ADGRG1: variants seen among roughly 807,000 people sequenced by gnomAD.
ADGRG1 encodes the protein adhesion G protein-coupled receptor G1, also known as 7-transmembrane protein with no EGF-like N-terminal domains-1.
Under a neutral mutation model 73.5 loss-of-function variants are expected in ADGRG1, and 53 were observed. That is an observed-to-expected ratio of 0.72 (90% CI 0.58 to 0.91). The LOEUF is 0.91. Among genes scored for constraint, ADGRG1 ranks in the 40% least tolerant of loss-of-function variants. The pLI, the probability that ADGRG1 is intolerant of heterozygous loss-of-function variation, is 0.00. For missense variants in ADGRG1, 795 were observed against 871.8 expected (o/e 0.91, Z 1.11); for synonymous variants, 394 against 374.4 (o/e 1.05, Z -0.60).
intron 7 of ADGRG1, 95 bp from the exon 8 acceptor site, chr16:57,656,131 G>A: frequency 6.2e-7 from 1 of 1,613,564 alleles, no homozygotes; most frequent in Non-Finnish European, 8.5e-7. Context: ...GGCGGGTGGT[G>A]GCTTGACTGT....
upstream of ADGRG1, chr16:57,623,858 A>T: frequency 1.0e-6 from 1 of 981,878 alleles, no homozygotes; most frequent in Non-Finnish European, 1.2e-6. Flanking sequence ...GTGGCTGGGA[A>T]CATTGGCCGC....
intron 1 of ADGRG1, chr16:57,645,273 C>T: frequency 1.0e-6 from 1 of 985,414 alleles, no homozygotes; most frequent in Non-Finnish European, 1.2e-6. Flanking sequence ...AGCGAGGGCC[C>T]ATTTAAGGGG....
In ADGRG1 at chr16:57,648,822, G is replaced by A. The variant is rs1035114103; in HGVS notation, c.-35-1431G>A. The A allele has an allele frequency of 6.1e-6, 3 of 492,576 alleles. No homozygotes were observed. The African/African-American group carries it at 6.3e-5, about 10-fold the overall frequency. The allele number at this position is 492,576 out of a possible 1,614,324, so 30.5% of individuals were successfully genotyped here. ...GCCATAGGGAGGGCCAAGCCTTCTG[G>A]CAAGTCTACAAGTGCCAGGGCCACA... On this transcript the variant is annotated intron_variant, in intron 1 of 13. Transcript: ENST00000562631.
intron 1 of ADGRG1, chr16:57,629,022 G>A (rs1433611152): frequency 5.7e-5 from 28 of 492,792 alleles, no homozygotes; most frequent in Admixed American, 2.0e-4. Context: ...GTGACTGAGC[G>A]TTTGAGTGTG....
intron 3 of ADGRG1, 63 bp from the exon 4 acceptor site, chr16:57,653,140 A>C: frequency 1.3e-6 from 2 of 1,598,872 alleles, no homozygotes; most frequent in South Asian, 2.2e-5. Flanking sequence ...TAGGGGGCAG[A>C]ATGGGAGGGT....
At chr16:57,659,381 C>T (rs748286371) in intron 10 of ADGRG1, 32 bp from the exon 11 acceptor site, 1 of 1,613,014 alleles carries the variant, frequency 6.2e-7, no homozygotes, top group Non-Finnish European at 8.5e-7. Context: ...TACCTTCCCA[C>T]ACTGGCCCAC....
intron 11 of ADGRG1, 88 bp from the exon 12 acceptor site, chr16:57,660,680 C>T: frequency 6.7e-7 from 1 of 1,502,282 alleles, no homozygotes; most frequent in South Asian, 1.2e-5. Context: ...TTCAGAGGGG[C>T]CCTTGCCCTC....
At chr16:57,628,969 AGTGTGTGAGAGT>A in intron 1 of ADGRG1, 167 bp downstream of exon 1, 1 of 558,180 alleles carries the variant, frequency 1.8e-6, no homozygotes, top group Non-Finnish European at 2.1e-6. Flanking sequence ...TGTGAGTGTG[AGTGTGTGAGAGT>A]GAGTGAGAAT....
intron 10 of ADGRG1, chr16:57,659,198 G>A (rs148261453): frequency 3.0e-6 from 3 of 985,432 alleles, no homozygotes; most frequent in Non-Finnish European, 3.6e-6. Context: ...CGTGCACGTG[G>A]TGCCTGAGTC....
rs1394480968 is a variant in ADGRG1 at position 57,664,504 on chromosome 16, A to G, written c.*922A>G. 4 of 152,368 alleles carry G rather than the reference A, an allele frequency of 2.6e-5. No individual in the cohort carries two copies. The highest frequency in any genetic ancestry group is 9.7e-5 in the African/African-American group (4 of 41,426). 9.4% of individuals were successfully genotyped at this position (152,368 alleles called of 1,614,324 possible). ...TCTCCTGAAGCCCTCTTGTGGCAAGAACTGTGGACCATGCCAGTCCCGTCT... is the reference window on the plus strand; with the variant it reads ...TCTCCTGAAGCCCTCTTGTGGCAAGGACTGTGGACCATGCCAGTCCCGTCT... On this transcript the variant is annotated 3_prime_UTR_variant, in exon 14 of 14. Transcript: ENST00000562631.
In ADGRG1 at chr16:57,653,000, T is replaced by C. The variant is rs1597488581; in HGVS notation, c.488-203T>C. ...CGCTGGGGCTGGCATTGCTGGCGGG[T>C]TCTGTAAGACACAACCCCCACGGGT... is the stretch of plus-strand genomic sequence containing the variant. On this transcript the variant is annotated intron_variant, in intron 3 of 13. Transcript: ENST00000562631. The C allele has an allele frequency of 4.2e-6, 6 of 1,429,604 alleles. No individual in the cohort carries two copies. In the South Asian group the frequency reaches 8.7e-5, roughly 21 times the overall value. 88.6% of individuals were successfully genotyped at this position (1,429,604 alleles called of 1,614,324 possible). A position where few individuals can be genotyped will look rare whatever the true frequency, so the allele number is the denominator to read the frequency against.
At chr16:57,628,993 T>TGAGTGTGA (rs1567669774) in intron 1 of ADGRG1, 191 bp downstream of exon 1, 1 of 483,474 alleles carries the variant, frequency 2.1e-6, no homozygotes. Flanking sequence ...AGTGAGAATG[T>TGAGTGTGA]GAGTGTGAGT....
rs755315705 is a variant in ADGRG1 at position 57,651,611 on chromosome 16, TCTC to T, written c.479_481del (p.Ser160del). The T allele has an allele frequency of 6.2e-7, 1 of 1,613,738 alleles. No homozygotes were observed. The highest frequency in any genetic ancestry group is 8.5e-7 in the Non-Finnish European group (1 of 1,179,988). On this transcript the variant is annotated inframe_deletion, in exon 3 of 14. Transcript: ENST00000562631. ...CTGCCCAGTGCCGCCAGCTTCACCT[TCTC>T]CTTCCACAGTAAGGCAACTTCCAGG...
intron 1 of ADGRG1, chr16:57,646,427 G>A: frequency 2.0e-6 from 2 of 985,590 alleles, no homozygotes; most frequent in Non-Finnish European, 2.4e-6. Context: ...GATCCTTGGG[G>A]AACCCCATGA....
chr16:57,644,954 TCACA>T (rs767509374), intron 1 of ADGRG1: 39 of 432,232 alleles, frequency 9.0e-5, no homozygotes, highest in Non-Finnish European at 1.1e-4. Flanking sequence ...CACCCACTGA[TCACA>T]CACTCATGCA....
At chr16:57,651,698 G>T in intron 3 of ADGRG1, 76 bp downstream of exon 3, 1 of 1,529,394 alleles carries the variant, frequency 6.5e-7, no homozygotes, top group Non-Finnish European at 8.8e-7. Context: ...AAAGTGGACT[G>T]GGCTCACAAT....
chr16:57,628,953 A>AGAGTGT (rs2036748683), intron 1 of ADGRG1, 151 bp downstream of exon 1: 1 of 585,382 alleles, frequency 1.7e-6, no homozygotes, highest in Non-Finnish European at 2.0e-6. Context: ...TGAGAGTGTG[A>AGAGTGT]GAGTGTGTGA....
At chr16:57,623,726 C>T (rs1380913506), upstream of ADGRG1, 11 of 895,524 alleles carry the variant, frequency 1.2e-5, no homozygotes, top group Non-Finnish European at 1.3e-5. Flanking sequence ...GTCACATGTG[C>T]AACGCAATCC....
upstream of ADGRG1, chr16:57,625,680 C>G (rs1405471457): frequency 3.0e-6 from 3 of 984,240 alleles, no homozygotes; most frequent in Non-Finnish European, 3.6e-6. Context: ...AGGTCTCAGG[C>G]TATCTGTAGG....
Sources: gnomAD v4.1 joint callset for allele counts on GRCh38, gnomAD v4.1.1 for gene constraint, MANE v1.5 for transcripts, NCBI Gene and HGNC (gene_info 2026-07-23, HGNC 2026-07-21) for gene names.